The following KAZN variants were observed in gnomAD, a reference collection of about 807,000 sequenced individuals.
The protein encoded by KAZN is kazrin.
KAZN carries 40 observed loss-of-function variants against 87.4 expected under a neutral mutation model. That is an observed-to-expected ratio of 0.46 (90% CI 0.36 to 0.60). The LOEUF is 0.60. Among genes scored for constraint, KAZN ranks in the 20% least tolerant of loss-of-function variants. The pLI is 0.00. For missense variants in KAZN, 898 were observed against 1,073.9 expected (o/e 0.84, Z 2.29); for synonymous variants, 466 against 458.3 (o/e 1.02, Z -0.22).
chr1:14,713,765 C>G (rs1334129427), intron 1 of KAZN, among the ~76,000 whole-genome samples: 2 of 117,044 alleles, frequency 1.7e-5, no homozygotes, highest in African/African-American at 7.1e-5. Context: ...AAAACGAGAC[C>G]TCATCTCTAC....
At chr1:14,334,903 T>G (rs771004821) in intron 2 of KAZN, among the ~76,000 whole-genome samples, 2 of 150,876 alleles carry the variant, frequency 1.3e-5, no homozygotes, top group Non-Finnish European at 3.0e-5. Context: ...ATCCACAAAC[T>G]CAGAGAGAAA....
intron 1 of KAZN, among the ~76,000 whole-genome samples, chr1:14,710,191 G>A (rs1642411873): frequency 6.6e-6 from 1 of 152,088 alleles, no homozygotes; most frequent in Non-Finnish European, 1.5e-5. Flanking sequence ...CAAACAGAAA[G>A]GCTGGTCTCT....
intron 1 of KAZN, among the ~76,000 whole-genome samples, chr1:14,064,253 C>G (rs1015066506): frequency 5.3e-5 from 8 of 152,186 alleles, no homozygotes; most frequent in Non-Finnish European, 1.2e-4. Flanking sequence ...CTCTGAGGGG[C>G]TCACCTCCTG....
chr1:14,386,684 C>G (rs2101070523), intron 2 of KAZN, among the ~76,000 whole-genome samples: 1 of 152,304 alleles, frequency 6.6e-6, no homozygotes, highest in East Asian at 1.9e-4. Flanking sequence ...GAGATATCCG[C>G]TGTTAGTCTG....
At chr1:14,127,123 AG>A in intron 1 of KAZN, among the ~76,000 whole-genome samples, 1 of 148,292 alleles carries the variant, frequency 6.7e-6, no homozygotes, top group Non-Finnish European at 1.5e-5. Flanking sequence ...ACAAAACAAA[AG>A]TTTCCCATCA....
At chr1:14,791,711 G>C (rs182669975) in intron 1 of KAZN, among the ~76,000 whole-genome samples, 8 of 152,344 alleles carry the variant, frequency 5.3e-5, no homozygotes, top group African/African-American at 1.9e-4. Flanking sequence ...GATGGAGCTG[G>C]GCGAGCTTCC....
intron 1 of KAZN, among the ~76,000 whole-genome samples, chr1:14,803,579 G>T (rs1243013711): frequency 6.6e-6 from 1 of 152,234 alleles, no homozygotes; most frequent in Non-Finnish European, 1.5e-5. Context: ...CGTGGCTCTG[G>T]CTGTCCTCCA....
intron 2 of KAZN, among the ~76,000 whole-genome samples, chr1:14,419,011 A>G (rs1020940644): frequency 6.6e-6 from 1 of 152,226 alleles, no homozygotes; most frequent in Non-Finnish European, 1.5e-5. Context: ...ACAACTGTCA[A>G]CGAGTGTTCA....
chr1:13,897,752 A>G (rs1188591972), intron 1 of KAZN, among the ~76,000 whole-genome samples: 1 of 152,232 alleles, frequency 6.6e-6, no homozygotes, highest in East Asian at 1.9e-4. Context: ...CAGCTTCTGC[A>G]AAGGGTTTTA....
chr1:14,647,075 G>A (rs1680863369), intron 1 of KAZN, among the ~76,000 whole-genome samples: 1 of 152,156 alleles, frequency 6.6e-6, no homozygotes, highest in African/African-American at 2.4e-5. Context: ...CCAACAATAG[G>A]CCGACATTTT....
intron 2 of KAZN, among the ~76,000 whole-genome samples, chr1:14,405,906 G>T (rs997215567): frequency 6.6e-6 from 1 of 152,084 alleles, no homozygotes; most frequent in African/African-American, 2.4e-5. Flanking sequence ...CAAGGAATTG[G>T]ATGAGGCCTG....
In KAZN at chr1:14,949,355, C is replaced by T. The variant is rs1372990758; in HGVS notation, c.227-11329C>T. Among the ~76,000 whole-genome samples the T allele has an allele frequency of 6.6e-6, 1 of 152,018 alleles. No individual in the cohort carries two copies. The highest frequency in any genetic ancestry group is 1.5e-5 in the Non-Finnish European group (1 of 68,010). ...AGGAGGCAGCTGGCCAGGCCCTGAG[C>T]AGAGGCCAGCACTTCCCCATCCCTC... On this transcript the variant is annotated intron_variant, in intron 1 of 14. Coordinates refer to ENST00000376030, the MANE Select transcript of KAZN (RefSeq NM_201628.3). This position sits in a 1 kb window ranked among gnomAD's most constrained non-coding sequence, Gnocchi z 4.3.
intron 2 of KAZN, among the ~76,000 whole-genome samples, chr1:14,419,771 T>TCCCTCCCATCCGGAGTTGTTC (rs1665228232): frequency 6.6e-6 from 1 of 151,932 alleles, no homozygotes; most frequent in South Asian, 2.1e-4. Context: ...TGGTGTTGTT[T>TCCCTCCCATCCGGAGTTGTTC]GTCCCTCCCA....
chr1:14,887,142 CCT>C (rs1473001864), intron 1 of KAZN, among the ~76,000 whole-genome samples: 4 of 152,212 alleles, frequency 2.6e-5, no homozygotes, highest in African/African-American at 4.8e-5. Context: ...CCCCTTTCCT[CCT>C]CTGTTTTCCC....
At chr1:13,906,061 T>G (rs1036362342) in intron 1 of KAZN, among the ~76,000 whole-genome samples, 1 of 152,170 alleles carries the variant, frequency 6.6e-6, no homozygotes, top group African/African-American at 2.4e-5. Context: ...TAGAGCCCAC[T>G]CGGATAATCC....
chr1:14,400,215 G>C (rs1017410980), intron 2 of KAZN, among the ~76,000 whole-genome samples: 1 of 152,126 alleles, frequency 6.6e-6, no homozygotes, highest in Admixed American at 6.5e-5. Flanking sequence ...GGCAGTATTT[G>C]TCCTGAGAGA....
intron 2 of KAZN, among the ~76,000 whole-genome samples, chr1:14,253,640 CCA>C (rs1219555733): frequency 2.0e-5 from 3 of 152,064 alleles, no homozygotes; most frequent in Non-Finnish European, 4.4e-5. Context: ...TCTTTCCTTT[CCA>C]GGTGTAATGG....
chr1:13,899,000 G>C (rs1557707608), intron 1 of KAZN, among the ~76,000 whole-genome samples: 1 of 152,218 alleles, frequency 6.6e-6, no homozygotes, highest in African/African-American at 2.4e-5. Context: ...ACGAAGATGA[G>C]CAAAGAAGCA....
chr1:14,043,234 G>A (rs10732306), intron 1 of KAZN, among the ~76,000 whole-genome samples: 93,768 of 152,096 alleles, frequency 0.62, 30,287 homozygotes, highest in African/African-American at 0.8. Context: ...GTGTCGTAGC[G>A]TGTGTCAGAA....
Sources: allele counts gnomAD v4.1 joint callset (sites outside exome capture counted in the v4.1 genomes callset), GRCh38; gene constraint gnomAD v4.1.1; non-coding constraint Gnocchi (gnomAD v3.1); transcripts MANE v1.5; gene names NCBI Gene and HGNC (gene_info 2026-07-23, HGNC 2026-07-21).